The following SNTG2 variants were observed in gnomAD, a reference collection of about 807,000 sequenced individuals.
SNTG2 encodes the protein syntrophin gamma 2.
A neutral mutation model predicts 70.9 loss-of-function variants in SNTG2; 74 were observed. That is an observed-to-expected ratio of 1.04 (90% CI 0.86 to 1.27). The LOEUF (loss-of-function observed/expected upper bound fraction) is 1.27. SNTG2 is among the 50% of genes most tolerant of loss of function. The probability of loss-of-function intolerance (pLI) is 0.00; values close to 1 mark genes in which losing one functional copy is unlikely to be tolerated. For missense variants in SNTG2, 717 were observed against 690.7 expected, an observed-to-expected ratio of 1.04 and a Z score of -0.43; for synonymous variants, 278 against 273.8, an observed-to-expected ratio of 1.02 and a Z score of -0.15.
intron 1 of SNTG2, among the ~76,000 whole-genome samples, chr2:1,066,315 G>T (rs945187327): frequency 6.6e-6 from 1 of 151,966 alleles, no homozygotes; most frequent in Non-Finnish European, 1.5e-5. Flanking sequence ...GCAAAACTTC[G>T]CAGCCCAACT....
At chr2:1,081,703 G>C (rs552575692) in intron 1 of SNTG2, among the ~76,000 whole-genome samples, 1 of 152,368 alleles carries the variant, frequency 6.6e-6, no homozygotes, top group South Asian at 2.1e-4. Context: ...TCCCAGAGCC[G>C]TGGCAGCACT....
At chr2:1,030,842 G>A (rs932156842) in intron 1 of SNTG2, among the ~76,000 whole-genome samples, 2 of 152,306 alleles carry the variant, frequency 1.3e-5, no homozygotes, top group Admixed American at 6.5e-5. Context: ...TGGTTCTGCT[G>A]CAGAAGAGCC....
intron 14 of SNTG2, among the ~76,000 whole-genome samples, chr2:1,306,687 T>A (rs1044447733): frequency 2.9e-5 from 4 of 138,124 alleles, no homozygotes; most frequent in Non-Finnish European, 6.7e-5. Context: ...AGGGTGTGAG[T>A]GTGTGTGTGT....
chr2:1,272,884 C>T (rs1334840924), intron 14 of SNTG2, among the ~76,000 whole-genome samples: 1 of 152,198 alleles, frequency 6.6e-6, no homozygotes, highest in Non-Finnish European at 1.5e-5. Context: ...TGGAGGACAA[C>T]AGTGTCTCCT....
intron 9 of SNTG2, among the ~76,000 whole-genome samples, chr2:1,219,726 G>A (rs1028152026): frequency 9.8e-4 from 149 of 151,982 alleles, no homozygotes; most frequent in African/African-American, 2.7e-3. Flanking sequence ...GAGGGGAGGC[G>A]GAGAGGAAGA....
intron 16 of SNTG2, among the ~76,000 whole-genome samples, chr2:1,359,183 T>C (rs955541340): frequency 2.6e-5 from 4 of 152,294 alleles, no homozygotes; most frequent in Middle Eastern, 3.4e-3. Flanking sequence ...AAGATAATTA[T>C]ATATAGTATT....
At chr2:1,242,330 T>G (rs1305320811) in intron 11 of SNTG2, among the ~76,000 whole-genome samples, 1 of 152,188 alleles carries the variant, frequency 6.6e-6, no homozygotes, top group Non-Finnish European at 1.5e-5. Flanking sequence ...GCGAATTTTA[T>G]GTCAAAAAAA....
rs114442032 is a variant in SNTG2, at chr2:1,233,513, C to G, written c.720-4375C>G. 3.4e-3 allele frequency among the ~76,000 whole-genome samples: 514 copies of G among 152,280 alleles called. 5 individuals are homozygous for G. Among genetic ancestry groups the G allele is most frequent in the African/African-American group, 0.012 (481 of 41,570 alleles). ...GGCACATGAGAGCTGGGCTGTGGGG[C>G]TTTTCCCGGCAGGAGCCGCAGGGTG... On this transcript the variant is annotated intron_variant, in intron 9 of 16. Coordinates refer to ENST00000308624, the MANE Select transcript of SNTG2 (RefSeq NM_018968.4).
chr2:1,052,562 T>C (rs1662136363), intron 1 of SNTG2, among the ~76,000 whole-genome samples: 1 of 152,224 alleles, frequency 6.6e-6, no homozygotes, highest in Non-Finnish European at 1.5e-5. Context: ...TTCTGTTTCA[T>C]GTATTTCTGC....
chr2:1,226,934 C>T (rs1675828407), intron 9 of SNTG2, among the ~76,000 whole-genome samples: 1 of 152,144 alleles, frequency 6.6e-6, no homozygotes, highest in Non-Finnish European at 1.5e-5. Context: ...GGAATTTGAG[C>T]CCATAATCAA....
chr2:1,358,612 C>G (rs4927647), intron 16 of SNTG2, among the ~76,000 whole-genome samples: 109,731 of 152,010 alleles, frequency 0.72, 39,899 homozygotes, highest in East Asian at 0.94. Flanking sequence ...TTGATCCATT[C>G]GTTCCCCAAG....
chr2:953,488 A>G (rs1381958365), intron 1 of SNTG2, among the ~76,000 whole-genome samples: 1 of 152,256 alleles, frequency 6.6e-6, no homozygotes, highest in Admixed American at 6.5e-5. Context: ...TAAGGGCACC[A>G]CCTAATCATC....
At chr2:1,074,961 G>A (rs571882135) in intron 1 of SNTG2, among the ~76,000 whole-genome samples, 1 of 152,202 alleles carries the variant, frequency 6.6e-6, no homozygotes, top group South Asian at 2.1e-4. Context: ...TTATTTCACT[G>A]CGATGTTGGT....
At chr2:1,356,488 G>C (rs755013799) in intron 16 of SNTG2, among the ~76,000 whole-genome samples, 13 of 152,268 alleles carry the variant, frequency 8.5e-5, no homozygotes, top group Admixed American at 5.2e-4. Context: ...AAGATCACCT[G>C]ACAATGTAGG....
At chr2:1,002,616 G>A (rs1027077487) in intron 1 of SNTG2, among the ~76,000 whole-genome samples, 1 of 151,258 alleles carries the variant, frequency 6.6e-6, no homozygotes, top group South Asian at 2.1e-4. Flanking sequence ...ATGAGGATGT[G>A]GAGAAAATAC....
intron 9 of SNTG2, among the ~76,000 whole-genome samples, chr2:1,222,469 TG>T (rs1675326722): frequency 6.3e-5 from 9 of 142,758 alleles, no homozygotes; most frequent in Non-Finnish European, 1.1e-4. Flanking sequence ...CTGGAGGTGC[TG>T]GATCGCTGTA....
intron 1 of SNTG2, among the ~76,000 whole-genome samples, chr2:1,038,231 G>T (rs1445077189): frequency 6.6e-6 from 1 of 152,172 alleles, no homozygotes; most frequent in Non-Finnish European, 1.5e-5. Context: ...AAGCTGAACT[G>T]CTGTCAGTAT....
intron 8 of SNTG2, among the ~76,000 whole-genome samples, chr2:1,187,959 G>A (rs1672347543): frequency 2.0e-5 from 3 of 152,234 alleles, no homozygotes; most frequent in Admixed American, 2.0e-4. Context: ...TAGAATTTCT[G>A]AAGGACACAC....
At chr2:1,040,182 CTG>C (rs1271665196) in intron 1 of SNTG2, among the ~76,000 whole-genome samples, 1 of 152,182 alleles carries the variant, frequency 6.6e-6, no homozygotes, top group Non-Finnish European at 1.5e-5. Flanking sequence ...GTTAACTTGC[CTG>C]TCCCATAGAA....
Sources: allele counts gnomAD v4.1 joint callset (sites outside exome capture counted in the v4.1 genomes callset), GRCh38; gene constraint gnomAD v4.1.1; transcripts MANE v1.5; gene names NCBI Gene and HGNC (gene_info 2026-07-23, HGNC 2026-07-21).